Variants in MIPEP observed in about 807,000 individuals in gnomAD.
MIPEP encodes mitochondrial intermediate peptidase.
MIPEP carries 79 observed loss-of-function variants against 90.3 expected under a neutral mutation model. The ratio of observed to expected loss-of-function variants is 0.87; its 90% CI spans 0.73 to 1.05. MIPEP has a LOEUF of 1.05. Among genes scored for constraint, MIPEP ranks in the 50% least tolerant of loss-of-function variants. The probability of loss-of-function intolerance (pLI) is 0.00; values close to 1 mark genes in which losing one functional copy is unlikely to be tolerated. For missense variants in MIPEP, 940 were observed against 905.6 expected, an observed-to-expected ratio of 1.04 and a Z score of -0.49; for synonymous variants, 334 against 315.8, an observed-to-expected ratio of 1.06 and a Z score of -0.61.
At chr13:23,770,172 A>ATT (rs1952633547) in intron 16 of MIPEP, among the ~76,000 whole-genome samples, 1 of 152,160 alleles carries the variant, frequency 6.6e-6, no homozygotes, top group Non-Finnish European at 1.5e-5. Flanking sequence ...GGCAAGCAGA[A>ATT]CCCTGGAATG....
chr13:23,756,809 A>T (rs1048133002), intron 17 of MIPEP, 191 bp from the exon 18 acceptor site: 1 of 590,958 alleles, frequency 1.7e-6, no homozygotes, highest in African/African-American at 1.9e-5. Context: ...AAATTAAATC[A>T]GGTGTGACAT....
At chr13:23,798,852 C>T (rs1440253447) in intron 16 of MIPEP, among the ~76,000 whole-genome samples, 3 of 152,054 alleles carry the variant, frequency 2.0e-5, no homozygotes, top group African/African-American at 7.2e-5. Flanking sequence ...GCTTCCTGTA[C>T]AGCCTGCAAA....
rs1953104532 is a variant in MIPEP, at chr13:23,806,145, A to C, written c.1729-76T>G. The C allele has an allele frequency of 2.0e-6, 3 of 1,467,930 alleles. No homozygotes were observed. The East Asian group carries it at 6.8e-5, about 33-fold the overall frequency. The allele number at this position is 1,467,930 out of a possible 1,614,324, so 90.9% of individuals were successfully genotyped here. On this transcript the variant is annotated intron_variant, in intron 15 of 18. Coordinates refer to ENST00000382172, the MANE Select transcript of MIPEP (RefSeq NM_005932.4). Reference sequence around the variant, plus strand: ...AGATGTGGTTGACCAAAGATGCTATAAGTGCACCAGAACAACAGTTACCAA... The same window carrying C: ...AGATGTGGTTGACCAAAGATGCTATCAGTGCACCAGAACAACAGTTACCAA...
intron 16 of MIPEP, among the ~76,000 whole-genome samples, chr13:23,776,349 T>A (rs1197548210): frequency 6.6e-6 from 1 of 152,188 alleles, no homozygotes; most frequent in Non-Finnish European, 1.5e-5. Flanking sequence ...CTCTAACCAC[T>A]TTCTATCATA....
intron 16 of MIPEP, 45 bp downstream of exon 16, chr13:23,805,905 C>T: frequency 6.3e-7 from 1 of 1,597,954 alleles, no homozygotes; most frequent in Non-Finnish European, 8.5e-7. Context: ...GAAGTAATAG[C>T]AGAACCACTC....
chr13:23,760,189 A>G lies in MIPEP; in HGVS notation c.1877T>C (p.Val626Ala), dbSNP rs1952526463. 6.2e-7 allele frequency: 1 copy of G among 1,614,004 alleles called. No individual in the cohort carries two copies. Among genetic ancestry groups the G allele is most frequent in the African/African-American group, 1.3e-5 (1 of 74,914 alleles). ...TAWQLRFSHL[V>A]GYGARYYSYL... ...AGAGTAATATCTAGCACCATACCCC[A>G]CGAGGTGGCTGAATCGCAGCTGCCA... The change falls in exon 17 of 19, where the codon GTG (valine) becomes GCG (alanine). Residue 626 changes from valine to alanine, a missense_variant. Coordinates refer to ENST00000382172, the MANE Select transcript of MIPEP (RefSeq NM_005932.4).
intron 16 of MIPEP, among the ~76,000 whole-genome samples, chr13:23,783,709 C>T (rs1314615092): frequency 1.3e-5 from 2 of 152,202 alleles, no homozygotes; most frequent in Non-Finnish European, 2.9e-5. Flanking sequence ...ACCCCATTGT[C>T]TTAGTCCAAA....
At chr13:23,850,657 T>C (rs1004445102) in intron 10 of MIPEP, among the ~76,000 whole-genome samples, 1 of 152,234 alleles carries the variant, frequency 6.6e-6, no homozygotes, top group Non-Finnish European at 1.5e-5. Context: ...CAGTGAGAGA[T>C]GACACCACAC....
chr13:23,834,452 C>CTCTGTCTCAGTTCCCCTAGGAATTAA (rs1868930433), intron 14 of MIPEP, among the ~76,000 whole-genome samples: 1 of 152,324 alleles, frequency 6.6e-6, no homozygotes, highest in South Asian at 2.1e-4. Flanking sequence ...CCTAGTCAGG[C>CTCTGTCTCAGTTCCCCTAGGAATTAA]TCTGTCTCAG....
intron 16 of MIPEP, among the ~76,000 whole-genome samples, chr13:23,798,888 T>G (rs972638965): frequency 9.2e-5 from 14 of 152,020 alleles, no homozygotes; most frequent in Non-Finnish European, 1.8e-4. Flanking sequence ...AAACCTCTTT[T>G]CCGTATAAAT....
intron 14 of MIPEP, among the ~76,000 whole-genome samples, chr13:23,811,874 C>T (rs547354802): frequency 2.0e-5 from 3 of 152,266 alleles, no homozygotes; most frequent in African/African-American, 7.2e-5. Flanking sequence ...TCTTTAAAAA[C>T]TCTAGCCTCC....
intron 18 of MIPEP, chr13:23,747,645 A>C: frequency 2.3e-6 from 1 of 428,868 alleles, no homozygotes; most frequent in Non-Finnish European, 4.6e-6. Context: ...TCACGAAAAT[A>C]TTTAGCCTGT....
intron 14 of MIPEP, among the ~76,000 whole-genome samples, chr13:23,835,897 G>A (rs894524690): frequency 1.3e-5 from 2 of 152,186 alleles, no homozygotes; most frequent in Non-Finnish European, 2.9e-5. Context: ...CTTTTTAGAA[G>A]TGAGACAGGC....
chr13:23,793,204 A>G (rs1376423763), intron 16 of MIPEP, among the ~76,000 whole-genome samples: 1 of 152,266 alleles, frequency 6.6e-6, no homozygotes, highest in African/African-American at 2.4e-5. Flanking sequence ...AGTGGAACAG[A>G]TAAATAAGTT....
At chr13:23,789,830 G>T (rs990542481) in intron 16 of MIPEP, among the ~76,000 whole-genome samples, 1 of 152,110 alleles carries the variant, frequency 6.6e-6, no homozygotes, top group African/African-American at 2.4e-5. Flanking sequence ...GTTCCACTGC[G>T]ATCAGTCTTG....
intron 1 of MIPEP, among the ~76,000 whole-genome samples, chr13:23,887,882 A>G (rs1285520799): frequency 1.3e-5 from 2 of 152,238 alleles, no homozygotes; most frequent in East Asian, 3.8e-4. Flanking sequence ...ACAAAGGAAA[A>G]TCAGGACCAA....
intron 18 of MIPEP, among the ~76,000 whole-genome samples, chr13:23,747,777 G>A (rs996472402): frequency 5.9e-5 from 9 of 152,194 alleles, no homozygotes; most frequent in Non-Finnish European, 1.3e-4. Flanking sequence ...GTCTCGCTCT[G>A]TTGCCCGCAC....
intron 2 of MIPEP, among the ~76,000 whole-genome samples, chr13:23,884,241 G>A (rs997092844): frequency 1.0e-4 from 15 of 149,624 alleles, no homozygotes; most frequent in African/African-American, 3.5e-4. Context: ...TGACTACAGG[G>A]AGATTTTTGG....
rs546389035 is a variant in MIPEP, at chr13:23,858,918, A to G, written c.1054-6T>C. The G allele has an allele frequency of 4.7e-5, 75 of 1,611,734 alleles. No individual in the cohort carries two copies. In the South Asian group the frequency reaches 5.5e-4, roughly 12 times the overall value. On this transcript the variant is annotated splice_polypyrimidine_tract_variant and splice_region_variant and intron_variant, in intron 9 of 18. Coordinates refer to ENST00000382172, the MANE Select transcript of MIPEP (RefSeq NM_005932.4). ...GGGTCCCAGGGCATTACTTCCTACA[A>G]TGGAATAATTCACTGTTAAGGAAAG...
Sources: allele counts gnomAD v4.1 joint callset (sites outside exome capture counted in the v4.1 genomes callset), GRCh38; gene constraint gnomAD v4.1.1; transcripts MANE v1.5; gene names NCBI Gene and HGNC (gene_info 2026-07-23, HGNC 2026-07-21).